The following CSNK1G1 variants were observed in gnomAD, a reference collection of about 807,000 sequenced individuals.
CSNK1G1 encodes the protein casein kinase 1 gamma 1, also known as casein kinase I isoform gamma-1.
Under a neutral mutation model 59.6 loss-of-function variants are expected in CSNK1G1, and 22 were observed. That is an observed-to-expected ratio of 0.37 (90% CI 0.26 to 0.53). The LOEUF is 0.53. Ranked by LOEUF, CSNK1G1 falls within the 20% of genes least tolerant of loss-of-function variation. The pLI is 0.89. For missense variants in CSNK1G1, 384 were observed against 519.5 expected (o/e 0.74, Z 2.54); for synonymous variants, 179 against 177.1 (o/e 1.01, Z -0.08).
chr15:64,196,459 T>G (rs916519523), intron 10 of CSNK1G1, among the ~76,000 whole-genome samples: 9 of 152,084 alleles, frequency 5.9e-5, no homozygotes, highest in Admixed American at 2.0e-4. Context: ...CCTGAACTTT[T>G]TTTTTTTTTT....
At chr15:64,296,451 C>A (rs1016882743) in intron 2 of CSNK1G1, among the ~76,000 whole-genome samples, 1 of 152,162 alleles carries the variant, frequency 6.6e-6, no homozygotes. Context: ...CTTTGTATTG[C>A]AATTTGTTTT....
intron 2 of CSNK1G1, among the ~76,000 whole-genome samples, chr15:64,296,422 C>T (rs1767099779): frequency 6.6e-6 from 1 of 152,128 alleles, no homozygotes; most frequent in Non-Finnish European, 1.5e-5. Context: ...CACCCAGCCC[C>T]CAATCTGCTA....
intron 2 of CSNK1G1, 29 bp from the exon 3 acceptor site, chr15:64,259,270 T>C (rs763968977): frequency 1.2e-5 from 18 of 1,543,546 alleles, no homozygotes; most frequent in East Asian, 9.1e-5. Context: ...GTATATGTTT[T>C]AGTGACATTT....
chr15:64,347,835 G>C (rs555843216), intron 1 of CSNK1G1, among the ~76,000 whole-genome samples: 1 of 151,362 alleles, frequency 6.6e-6, no homozygotes, highest in Non-Finnish European at 1.5e-5. Context: ...GTGAAACCCG[G>C]TCTCTACTAA....
At chr15:64,269,496 T>A (rs1596191352) in intron 2 of CSNK1G1, among the ~76,000 whole-genome samples, 1 of 150,492 alleles carries the variant, frequency 6.6e-6, no homozygotes, top group South Asian at 2.1e-4. Context: ...ATGGCTATTT[T>A]TTTTTTTTTT....
intron 2 of CSNK1G1, among the ~76,000 whole-genome samples, chr15:64,273,427 AGAT>A (rs1285298058): frequency 6.6e-6 from 1 of 152,218 alleles, no homozygotes; most frequent in Non-Finnish European, 1.5e-5. Context: ...AGCTTTATGA[AGAT>A]GATAGAATAT....
chr15:64,285,127 T>C (rs1400413809), intron 2 of CSNK1G1, among the ~76,000 whole-genome samples: 1 of 152,150 alleles, frequency 6.6e-6, no homozygotes, highest in Non-Finnish European at 1.5e-5. Flanking sequence ...TTTATTGTTA[T>C]TTATTATTAT....
At chr15:64,302,548 A>G (rs1031243561) in intron 1 of CSNK1G1, among the ~76,000 whole-genome samples, 15 of 152,238 alleles carry the variant, frequency 9.9e-5, no homozygotes, top group African/African-American at 3.6e-4. Context: ...AACTTCCTAC[A>G]TGAACAACAT....
intron 4 of CSNK1G1, among the ~76,000 whole-genome samples, chr15:64,239,268 A>C (rs1418696235): frequency 6.6e-6 from 1 of 152,242 alleles, no homozygotes; most frequent in African/African-American, 2.4e-5. Flanking sequence ...CCACCAAAGA[A>C]GCATAACTCT....
chr15:64,312,775 A>G (rs1399238218), intron 1 of CSNK1G1, among the ~76,000 whole-genome samples: 1 of 152,240 alleles, frequency 6.6e-6, no homozygotes, highest in Non-Finnish European at 1.5e-5. Flanking sequence ...TAAACTAAAC[A>G]GCTGCTGCAC....
Position 64,254,527 on chromosome 15 carries a change from T to A in CSNK1G1, c.223-2946A>T, listed in dbSNP as rs191255767. 6.6e-5 allele frequency among the ~76,000 whole-genome samples: 10 copies of A among 152,108 alleles called. No individual in the cohort carries two copies. In the East Asian group the frequency reaches 1.7e-3, roughly 26 times the overall value. On this transcript the variant is annotated intron_variant, in intron 3 of 11. Transcript: ENST00000303052. Reference sequence around the variant, plus strand: ...CCACCACACCTGGCTAATTTTTGTATTTTTAGTAGAGATGGGGTTTCTGCA... The same window carrying A: ...CCACCACACCTGGCTAATTTTTGTAATTTTAGTAGAGATGGGGTTTCTGCA...
rs113283408 is a variant in CSNK1G1, at chr15:64,218,989, G to A, written c.293-2276C>T. 6.2e-3 allele frequency among the ~76,000 whole-genome samples: 946 copies of A among 151,798 alleles called. 11 individuals carry two copies. Among genetic ancestry groups the A allele is most frequent in the African/African-American group, 0.015 (606 of 41,398 alleles). ...CCTGCCTCAGCCTCCTGAGTAGCTG[G>A]GATTACAGGTGCACACCACCACGCC... On this transcript the variant is annotated intron_variant, in intron 4 of 11. Transcript: ENST00000303052.
rs373113022 is a variant in CSNK1G1 at position 64,263,677 on chromosome 15, C to T, written c.182-4436G>A. Among the ~76,000 whole-genome samples the T allele has an allele frequency of 2.4e-4, 36 of 152,252 alleles. No homozygotes were observed. In the East Asian group the frequency reaches 5.6e-3, roughly 24 times the overall value. ...GCATTAACCGGCCTGCCCCTTCAGG[C>T]ACTCAGCCTTGTCTGGAGTGCTAAG... is the stretch of plus-strand genomic sequence containing the variant. On this transcript the variant is annotated intron_variant, in intron 2 of 11. Coordinates refer to ENST00000303052, the MANE Select transcript of CSNK1G1 (RefSeq NM_022048.5).
chr15:64,186,126 AG>A (rs923307877), intron 10 of CSNK1G1, among the ~76,000 whole-genome samples: 15 of 151,110 alleles, frequency 9.9e-5, no homozygotes, highest in Non-Finnish European at 2.2e-4. Context: ...ATTTTTTTTG[AG>A]ATAGAGTCTT....
At chr15:64,219,144 C>T (rs1212508791) in intron 4 of CSNK1G1, among the ~76,000 whole-genome samples, 1 of 152,154 alleles carries the variant, frequency 6.6e-6, no homozygotes, top group African/African-American at 2.4e-5. Context: ...CGTGAGCCAC[C>T]ACACCAGGCC....
At position 64,242,061 on chromosome 15, in the gene CSNK1G1, A is replaced by C. The variant is rs76983839; in HGVS notation, c.292+9451T>G. ...CCACAGAAATACAAAGAATCATTAG[A>C]GACTACTATGAACAACTATATGCTA... On this transcript the variant is annotated intron_variant, in intron 4 of 11. Coordinates refer to ENST00000303052, the MANE Select transcript of CSNK1G1 (RefSeq NM_022048.5). Among the ~76,000 whole-genome samples the C allele has an allele frequency of 0.036, 5,443 of 152,298 alleles. 474 individuals are homozygous for C. The East Asian group carries it at 0.4, about 11-fold the overall frequency.
chr15:64,187,671 A>T (rs891155389), intron 10 of CSNK1G1, among the ~76,000 whole-genome samples: 2 of 152,280 alleles, frequency 1.3e-5, no homozygotes, highest in South Asian at 2.1e-4. Context: ...CCTTTATAAG[A>T]ATTTATGTTT....
chr15:64,252,587 C>T (rs1410140038), intron 3 of CSNK1G1, among the ~76,000 whole-genome samples: 1 of 152,142 alleles, frequency 6.6e-6, no homozygotes, highest in East Asian at 1.9e-4. Context: ...ACACCCTCCC[C>T]ATAATTTTTG....
intron 2 of CSNK1G1, among the ~76,000 whole-genome samples, chr15:64,286,998 C>T (rs1261605709): frequency 6.6e-6 from 1 of 152,102 alleles, no homozygotes; most frequent in Non-Finnish European, 1.5e-5. Context: ...ATATTAAATG[C>T]TAATGACTAT....
Sources: allele counts gnomAD v4.1 joint callset (sites outside exome capture counted in the v4.1 genomes callset), GRCh38; gene constraint gnomAD v4.1.1; transcripts MANE v1.5; gene names NCBI Gene and HGNC (gene_info 2026-07-23, HGNC 2026-07-21).